Variants in AKAP6 observed in about 807,000 individuals in gnomAD.
AKAP6 encodes A-kinase anchor protein 6.
Under a neutral mutation model 188.5 loss-of-function variants are expected in AKAP6, and 58 were observed. That is an observed-to-expected ratio of 0.31 (90% confidence interval 0.25 to 0.38). The LOEUF is 0.38. Ranked by LOEUF, AKAP6 falls within the 10% of genes least tolerant of loss-of-function variation. The probability of loss-of-function intolerance (pLI) is 1.00; values close to 1 mark genes in which losing one functional copy is unlikely to be tolerated. For synonymous variants in AKAP6, 989 were observed against 998.6 expected (o/e 0.99, Z 0.18); for missense variants, 2,710 against 2,740.0 (o/e 0.99, Z 0.24).
Position 32,824,001 on chromosome 14 carries a change from T to A in AKAP6, c.6188T>A (p.Ile2063Asn). Reference sequence around the variant, plus strand: ...TCAGTACACAACTTTGTTAAGGAAATCATTGACATGGCTTCGACAGCCCTA... The same window carrying A: ...TCAGTACACAACTTTGTTAAGGAAAACATTGACATGGCTTCGACAGCCCTA... ...DCSVHNFVKE[I>N]IDMASTALKS... Residue 2063 changes from isoleucine to asparagine, a missense_variant, in exon 13 of 14, where the codon ATC (isoleucine) becomes AAC (asparagine). Physicochemically the swap from Ile to Asn is moderately radical, Grantham distance 149. Coordinates refer to ENST00000280979, the MANE Select transcript of AKAP6 (RefSeq NM_004274.5). 6.2e-7 allele frequency: 1 copy of A among 1,613,922 alleles called. No homozygotes were observed. Among genetic ancestry groups the A allele is most frequent in the Non-Finnish European group, 8.5e-7 (1 of 1,179,926 alleles).
At chr14:32,362,265 A>G (rs1347746186) in intron 1 of AKAP6, among the ~76,000 whole-genome samples, 29 of 152,330 alleles carry the variant, frequency 1.9e-4, no homozygotes, top group Admixed American at 1.8e-3. Context: ...AGAACCTCCT[A>G]TATGTCAGTA....
chr14:32,546,280 G>C lies in AKAP6; in HGVS notation c.1627G>C (p.Gly543Arg), dbSNP rs1566567685. The C allele has an allele frequency of 6.2e-7, 1 of 1,614,114 alleles. No homozygotes were observed. The highest frequency in any genetic ancestry group is 8.5e-7 in the Non-Finnish European group (1 of 1,180,018). ...ELSYTSKAIE[G>R]PQTNSASTSS... is the part of the protein sequence containing the mutation. ...TTCTTATACTTCCAAGGCCATAGAG[G>C]GGCCACAAACAAATTCTGCTTCCAC... The change falls in exon 4 of 14, where the codon GGG becomes CGG. Residue 543 changes from glycine (G) to arginine (R), a missense_variant. Coordinates refer to ENST00000280979, the MANE Select transcript of AKAP6 (RefSeq NM_004274.5).
chr14:32,730,626 C>A (rs572220260), intron 9 of AKAP6, among the ~76,000 whole-genome samples: 2 of 152,094 alleles, frequency 1.3e-5, no homozygotes, highest in South Asian at 4.1e-4. Context: ...AGTGGCACAG[C>A]CAGAGGACTC....
At chr14:32,593,059 C>CAG (rs1448676293) in intron 5 of AKAP6, among the ~76,000 whole-genome samples, 4 of 143,530 alleles carry the variant, frequency 2.8e-5, no homozygotes, top group African/African-American at 1.0e-4. Context: ...CACACACACA[C>CAG]ACAGCTGTGA....
chr14:32,805,717 C>T (rs1950212), intron 12 of AKAP6, among the ~76,000 whole-genome samples: 71,260 of 151,998 alleles, frequency 0.47, 16,931 homozygotes, highest in Non-Finnish European at 0.5. Context: ...AGATTTACTC[C>T]AATTTTCTTT....
chr14:32,547,707 G>T (rs777771396), intron 4 of AKAP6, among the ~76,000 whole-genome samples: 1 of 152,050 alleles, frequency 6.6e-6, no homozygotes, highest in African/African-American at 2.4e-5. Flanking sequence ...AGCCAGGAGC[G>T]GTGGCACACA....
intron 1 of AKAP6, among the ~76,000 whole-genome samples, chr14:32,353,714 A>G (rs10143186): frequency 0.32 from 47,873 of 151,746 alleles, 8,268 homozygotes; most frequent in African/African-American, 0.47. Flanking sequence ...AAACCCCATC[A>G]TCTCAGCCCA....
At chr14:32,554,819 C>A (rs968613249) in intron 4 of AKAP6, among the ~76,000 whole-genome samples, 1 of 152,162 alleles carries the variant, frequency 6.6e-6, no homozygotes, top group African/African-American at 2.4e-5. Context: ...TTCAGGAGAT[C>A]TGTCCTTTGG....
intron 7 of AKAP6, among the ~76,000 whole-genome samples, chr14:32,631,874 C>G (rs1260090231): frequency 6.6e-6 from 1 of 152,050 alleles, no homozygotes; most frequent in African/African-American, 2.4e-5. Context: ...AGCATGGTGA[C>G]ATGTAGTAGA....
chr14:32,390,384 CT>C (rs1888671041), intron 1 of AKAP6, among the ~76,000 whole-genome samples: 1 of 152,036 alleles, frequency 6.6e-6, no homozygotes, highest in South Asian at 2.1e-4. Flanking sequence ...GGGTCCATTG[CT>C]GGTGAGCTAG....
At chr14:32,388,792 A>G (rs1431124864) in intron 1 of AKAP6, among the ~76,000 whole-genome samples, 1 of 152,084 alleles carries the variant, frequency 6.6e-6, no homozygotes, top group Non-Finnish European at 1.5e-5. Context: ...ATATTGGAGA[A>G]AGTTCCATGC....
At chr14:32,570,124 CTTT>C (rs60851991) in intron 4 of AKAP6, among the ~76,000 whole-genome samples, 1 of 74,852 alleles carries the variant, frequency 1.3e-5, no homozygotes, top group African/African-American at 5.2e-5. Flanking sequence ...TGTGTGGGAA[CTTT>C]TTTTTTTTTT....
At chr14:32,678,724 C>T (rs535319790) in intron 8 of AKAP6, among the ~76,000 whole-genome samples, 2 of 152,260 alleles carry the variant, frequency 1.3e-5, no homozygotes, top group South Asian at 2.1e-4. Flanking sequence ...TTTGTGACTA[C>T]GATGTGCCTT....
intron 1 of AKAP6, among the ~76,000 whole-genome samples, chr14:32,360,126 CT>C (rs1466741883): frequency 2.9e-5 from 4 of 138,810 alleles, no homozygotes; most frequent in Non-Finnish European, 4.6e-5. Flanking sequence ...TCCTCTTTTT[CT>C]TTTTTCTTTT....
rs144640587 is a variant in AKAP6 at position 32,686,687 on chromosome 14, G to A, written c.2879+8228G>A. Among the ~76,000 whole-genome samples the A allele has an allele frequency of 5.4e-3, 823 of 152,294 alleles. 8 individuals are homozygous for A. The highest frequency in any genetic ancestry group is 0.018 in the African/African-American group (767 of 41,566). ...CCATAAGACAGGAACTAGGTAGGGG[G>A]AGTATCTGAATGTGTTGAAGTTTAC... On this transcript the variant is annotated intron_variant, in intron 8 of 13. Coordinates refer to ENST00000280979, the MANE Select transcript of AKAP6 (RefSeq NM_004274.5).
At chr14:32,620,328 C>T (rs948517372) in intron 7 of AKAP6, among the ~76,000 whole-genome samples, 6 of 151,854 alleles carry the variant, frequency 4.0e-5, no homozygotes, top group South Asian at 2.1e-4. Flanking sequence ...TGTTATTCTG[C>T]GACATGTTCC....
intron 11 of AKAP6, among the ~76,000 whole-genome samples, chr14:32,759,825 T>A (rs1301212045): frequency 6.6e-6 from 1 of 152,108 alleles, no homozygotes; most frequent in Admixed American, 6.6e-5. Flanking sequence ...GTGAGGGATC[T>A]TCCCCCATGA....
At chr14:32,410,543 G>T (rs1889447853) in intron 1 of AKAP6, among the ~76,000 whole-genome samples, 2 of 152,108 alleles carry the variant, frequency 1.3e-5, no homozygotes, top group Admixed American at 1.3e-4. Flanking sequence ...TCCTCCGGAG[G>T]GCTGTGTCAC....
chr14:32,595,072 A>T (rs1458433923), intron 5 of AKAP6, among the ~76,000 whole-genome samples: 2 of 152,142 alleles, frequency 1.3e-5, no homozygotes, highest in Non-Finnish European at 2.9e-5. Context: ...ACCTTTTTTA[A>T]TTAAAAAAAA....
Sources: allele counts gnomAD v4.1 joint callset (sites outside exome capture counted in the v4.1 genomes callset), GRCh38; gene constraint gnomAD v4.1.1; transcripts MANE v1.5; gene names NCBI Gene and HGNC (gene_info 2026-07-23, HGNC 2026-07-21).